Variants in PRR5L observed in about 807,000 individuals in gnomAD.
The protein encoded by PRR5L is proline-rich protein 5-like.
PRR5L carries 21 observed loss-of-function variants against 36.4 expected under a neutral mutation model. The observed-to-expected ratio is 0.58, with a 90% CI of 0.41 to 0.83. PRR5L has a LOEUF of 0.83. PRR5L is among the 40% of genes least tolerant of loss of function. The pLI, the probability that PRR5L is intolerant of heterozygous loss-of-function variation, is 0.00. For missense variants in PRR5L, 381 were observed against 473.3 expected (o/e 0.80, Z 1.81); for synonymous variants, 188 against 197.0 (o/e 0.95, Z 0.38).
intron 1 of PRR5L, among the ~76,000 whole-genome samples, chr11:36,326,540 C>G (rs1856664837): frequency 6.6e-6 from 1 of 152,134 alleles, no homozygotes; most frequent in African/African-American, 2.4e-5. Flanking sequence ...CTTTTAATCT[C>G]TAATAATTTT....
chr11:36,324,518 A>G (rs1856641747), intron 1 of PRR5L, among the ~76,000 whole-genome samples: 1 of 152,204 alleles, frequency 6.6e-6, no homozygotes, highest in Non-Finnish European at 1.5e-5. Flanking sequence ...ACTTGAAATT[A>G]GTGTACTTTA....
At chr11:36,394,142 A>C (rs916841442) in intron 1 of PRR5L, 2 of 152,236 alleles carry the variant, frequency 1.3e-5, no homozygotes, top group African/African-American at 4.8e-5. Flanking sequence ...TTTATCAAGC[A>C]CTTGCTGTGT....
At chr11:36,307,437 C>T (rs1009388428) in intron 1 of PRR5L, among the ~76,000 whole-genome samples, 17 of 152,166 alleles carry the variant, frequency 1.1e-4, no homozygotes, top group African/African-American at 3.9e-4. Flanking sequence ...GGACATAGGG[C>T]AAGCTTCAGG....
chr11:36,377,128 T>G lies in PRR5L; in HGVS notation c.-125-23869T>G, dbSNP rs1322444155. On this transcript the variant is annotated intron_variant, in intron 1 of 8. Coordinates refer to ENST00000530639, the MANE Select transcript of PRR5L (RefSeq NM_001160167.2). The surrounding 1 kb of genome is among the most constrained non-coding windows in gnomAD (Gnocchi z 5.1). The stretch of plus-strand genomic sequence containing the variant: ...GCAAATCTAAAGAGCTGACCCCGCT[T>G]AAGCACGGGAGATTTCGCGCCTGCA... 2.6e-5 allele frequency among the ~76,000 whole-genome samples: 4 copies of G among 152,202 alleles called. No individual in the cohort carries two copies. The highest frequency in any genetic ancestry group is 6.5e-5 in the Admixed American group (1 of 15,290).
intron 1 of PRR5L, among the ~76,000 whole-genome samples, chr11:36,331,042 T>C (rs931510262): frequency 6.6e-6 from 1 of 152,092 alleles, no homozygotes; most frequent in Non-Finnish European, 1.5e-5. Context: ...CCGACCTCAA[T>C]TGATCCTCCT....
chr11:36,457,182 T>C (rs942344887), intron 8 of PRR5L, among the ~76,000 whole-genome samples: 1 of 152,232 alleles, frequency 6.6e-6, no homozygotes, highest in Non-Finnish European at 1.5e-5. Context: ...TCCTGTTCTC[T>C]CGATTTACCC....
intron 4 of PRR5L, chr11:36,425,816 A>C (rs1312147077): frequency 1.4e-5 from 2 of 142,062 alleles, no homozygotes; most frequent in African/African-American, 2.7e-5. Context: ...AAAGTCATAG[A>C]GGAAAAAAAA....
chr11:36,373,594 G>C (rs1294729223), intron 1 of PRR5L, among the ~76,000 whole-genome samples: 2 of 136,874 alleles, frequency 1.5e-5, no homozygotes, highest in Non-Finnish European at 3.1e-5. Flanking sequence ...GCAAGACTCT[G>C]TTTTAAAAAA....
At chr11:36,347,248 C>T (rs900328921) in intron 1 of PRR5L, among the ~76,000 whole-genome samples, 10 of 152,122 alleles carry the variant, frequency 6.6e-5, no homozygotes, top group Non-Finnish European at 1.5e-4. Context: ...TTTTCACGTT[C>T]CTAAAATGAA....
chr11:36,339,093 C>T (rs1856795200), intron 1 of PRR5L, among the ~76,000 whole-genome samples: 1 of 152,200 alleles, frequency 6.6e-6, no homozygotes, highest in African/African-American at 2.4e-5. Context: ...TGTGGAACTG[C>T]AAGTCCAATT....
At chr11:36,309,405 C>A (rs1590427965) in intron 1 of PRR5L, among the ~76,000 whole-genome samples, 1 of 152,204 alleles carries the variant, frequency 6.6e-6, no homozygotes, top group Non-Finnish European at 1.5e-5. Flanking sequence ...TGGCTTCAGG[C>A]ATGTCATTTA....
rs984399869 is a variant in PRR5L at position 36,464,239 on chromosome 11, G to C, written c.*1503G>C. 1 of 151,838 alleles carries C rather than the reference G, an allele frequency of 6.6e-6. No individual in the cohort carries two copies. Among genetic ancestry groups the C allele is most frequent in the African/African-American group, 2.4e-5 (1 of 41,382 alleles). The allele number at this position is 151,838 out of a possible 1,614,324, so 9.4% of individuals were successfully genotyped here. A position where few individuals can be genotyped will look rare whatever the true frequency, so the allele number is the denominator to read the frequency against. ...TCTGACCCTTCCTGTTGGTATTTAT[G>C]AAATCTCAAAGAGATGAGCCACCTT... On this transcript the variant is annotated 3_prime_UTR_variant, in exon 9 of 9. Transcript: ENST00000530639.
chr11:36,446,034 C>A (rs1254347447), intron 6 of PRR5L, among the ~76,000 whole-genome samples: 4 of 152,196 alleles, frequency 2.6e-5, no homozygotes, highest in Non-Finnish European at 5.9e-5. Flanking sequence ...CCACTCATAG[C>A]ACTTATAATA....
intron 1 of PRR5L, among the ~76,000 whole-genome samples, chr11:36,333,382 A>G (rs992274091): frequency 2.0e-5 from 3 of 152,184 alleles, no homozygotes; most frequent in African/African-American, 7.2e-5. Context: ...ACTCCCAGGT[A>G]TTCTCCCAGA....
chr11:36,405,711 A>G (rs910525592), intron 3 of PRR5L, among the ~76,000 whole-genome samples: 1 of 152,264 alleles, frequency 6.6e-6, no homozygotes, highest in African/African-American at 2.4e-5. Flanking sequence ...AGACTGGATG[A>G]CTTAAACAAC....
chr11:36,373,135 C>A (rs2554013), intron 1 of PRR5L, among the ~76,000 whole-genome samples: 146,383 of 152,152 alleles, frequency 0.96, 70,698 homozygotes, highest in East Asian at 1. Flanking sequence ...GGGGCTGCCT[C>A]AGGGATAGCT....
intron 8 of PRR5L, among the ~76,000 whole-genome samples, chr11:36,452,464 A>G (rs564131813): frequency 6.6e-6 from 1 of 152,366 alleles, no homozygotes; most frequent in East Asian, 1.9e-4. Flanking sequence ...GCTTAACCAC[A>G]GCCACCACAG....
Position 36,454,749 on chromosome 11 carries a change from C to T in PRR5L, c.712+3414C>T, listed in dbSNP as rs150701418. The T allele has an allele frequency of 8.3e-3, 1,273 of 152,598 alleles. 17 individuals are homozygous for T. Among genetic ancestry groups the T allele is most frequent in the African/African-American group, 0.029 (1,223 of 41,584 alleles). The allele number at this position is 152,598 out of a possible 1,614,324, so 9.5% of individuals were successfully genotyped here. ...GGGCTCCGCACTGCACCCACGCGCC[C>T]GCGCCTGTGTTTGACTGCACGAGGA... is the stretch of plus-strand genomic sequence containing the variant. On this transcript the variant is annotated intron_variant, in intron 8 of 8. Transcript: ENST00000530639.
At chr11:36,366,417 A>T (rs200360574) in intron 1 of PRR5L, among the ~76,000 whole-genome samples, 23 of 86,228 alleles carry the variant, frequency 2.7e-4, no homozygotes, top group Middle Eastern at 5.7e-3. Context: ...TGTGTGTGAG[A>T]GAGAGAGAGA....
Sources: allele counts gnomAD v4.1 joint callset (sites outside exome capture counted in the v4.1 genomes callset), GRCh38; gene constraint gnomAD v4.1.1; non-coding constraint Gnocchi (gnomAD v3.1); transcripts MANE v1.5; gene names NCBI Gene and HGNC (gene_info 2026-07-23, HGNC 2026-07-21).